The following NDUFA8 variants were observed in gnomAD, a reference collection of about 807,000 sequenced individuals.
NDUFA8 encodes the protein NADH:ubiquinone oxidoreductase subunit A8.
Under a neutral mutation model 20.9 loss-of-function variants are expected in NDUFA8, and 16 were observed. That is an observed-to-expected ratio of 0.77 (90% CI 0.52 to 1.16). The LOEUF (loss-of-function observed/expected upper bound fraction) is 1.16, where lower values mean the gene tolerates loss of function less well. Ranked by LOEUF, NDUFA8 falls within the 50% of genes most tolerant of loss-of-function variation. NDUFA8 has a pLI of 0.00. For missense variants in NDUFA8, 202 were observed against 216.4 expected (o/e 0.93, Z 0.42); for synonymous variants, 70 against 76.1 (o/e 0.92, Z 0.41).
At chr9:122,150,251 A>C (rs1411915370) in intron 2 of NDUFA8, among the ~76,000 whole-genome samples, 3 of 151,910 alleles carry the variant, frequency 2.0e-5, no homozygotes, top group Non-Finnish European at 4.4e-5. Flanking sequence ...TCTACTAAAA[A>C]TACAAAAAAT....
intron 3 of NDUFA8, among the ~76,000 whole-genome samples, chr9:122,144,675 A>G (rs1237613258): frequency 6.6e-6 from 1 of 152,194 alleles, no homozygotes; most frequent in Non-Finnish European, 1.5e-5. Flanking sequence ...AAGATTTCCA[A>G]ATCACCCTGA....
At chr9:122,136,572 T>C in the NDUFA8 span, among the ~76,000 whole-genome samples, 1 of 152,154 alleles carries the variant, frequency 6.6e-6, no homozygotes, top group Non-Finnish European at 1.5e-5. Flanking sequence ...TTTTTTTTTT[T>C]CTGAGACGGA....
rs1352487587 is a variant in NDUFA8 at position 122,144,186 on chromosome 9, G to A, written c.*55C>T. 1.1e-5 allele frequency: 18 copies of A among 1,612,110 alleles called. No homozygotes were observed. Among genetic ancestry groups the A allele is most frequent in the East Asian group, 4.5e-5 (2 of 44,882 alleles). On this transcript the variant is annotated 3_prime_UTR_variant, in exon 4 of 4. Transcript: ENST00000373768. ...ATCAGTCGATGCAAACCGCATGGGC[G>A]TTTTCATCAGTCGTTGTCTGAGCAC... is the stretch of plus-strand genomic sequence containing the variant.
chr9:122,136,135 T>C, the NDUFA8 span, among the ~76,000 whole-genome samples: 1 of 152,230 alleles, frequency 6.6e-6, no homozygotes, highest in Non-Finnish European at 1.5e-5. Context: ...TCACTACTAA[T>C]GAACAGAAGC....
chr9:122,144,297 C>T lies in NDUFA8; in HGVS notation c.463G>A (p.Glu155Lys), dbSNP rs374672994. 380 of 1,614,012 alleles carry T rather than the reference C, an allele frequency of 2.4e-4. No individual in the cohort carries two copies. The highest frequency in any genetic ancestry group is 3.2e-4 in the Non-Finnish European group (377 of 1,180,014). Residue 155 changes from glutamate (E) to lysine (K), a missense_variant, in exon 4 of 4, where the codon GAG (glutamate) becomes AAG (lysine). Glu to Lys is a moderately conservative substitution (Grantham distance 56). Transcript: ENST00000373768. The stretch of plus-strand genomic sequence containing the variant: ...TGTGTGGCAGGCTGCAGATCTCCCT[C>T]GATCTCAGGGCTGGGATCCGGTCTT... The part of the protein sequence containing the change: ...RPRPDPSPEI[E>K]GDLQPATHGS...
Position 122,159,729 on chromosome 9 carries a change from T to TCTCCTTGAA in NDUFA8, c.-61_-53dup. 6.2e-7 allele frequency: 1 copy of TCTCCTTGAA among 1,613,174 alleles called. No individual in the cohort carries two copies. Among genetic ancestry groups the TCTCCTTGAA allele is most frequent in the Non-Finnish European group, 8.5e-7 (1 of 1,179,596 alleles). On this transcript the variant is annotated 5_prime_UTR_variant, in exon 1 of 4. Transcript: ENST00000373768. ...GAAGCCCTCAGCCGCGTCGCCCCCG[T>TCTCCTTGAA]CTCCTTGAACTCCCCTTTCGACCGC...
chr9:122,159,692 C>G lies in NDUFA8; in HGVS notation c.-15G>C, dbSNP rs201260101. On this transcript the variant is annotated 5_prime_UTR_variant, in exon 1 of 4. Coordinates refer to ENST00000373768, the MANE Select transcript of NDUFA8 (RefSeq NM_014222.3). ...ATCCCCGGCATGACGGCTGCAGCCC[C>G]GACCCCGACGAGAAGCCCTCAGCCG... is the stretch of plus-strand genomic sequence containing the variant. The G allele has an allele frequency of 2.5e-6, 4 of 1,614,116 alleles. No individual in the cohort carries two copies. Among genetic ancestry groups the G allele is most frequent in the Non-Finnish European group, 2.5e-6 (3 of 1,179,994 alleles).
intron 1 of NDUFA8, 85 bp from the exon 2 acceptor site, chr9:122,152,493 G>A: frequency 1.5e-6 from 2 of 1,312,930 alleles, no homozygotes; most frequent in Non-Finnish European, 2.2e-6. Flanking sequence ...GGTCAGAATA[G>A]AGAACACAAA....
At position 122,159,761 on chromosome 9, in the gene NDUFA8, C is replaced by A; in HGVS notation, c.-84G>T. ...GAACTCCCCTTTCGACCGCCGAGTGCCACACGGCGCCTGCGCATGCGCATC... is the reference window on the plus strand; with the variant it reads ...GAACTCCCCTTTCGACCGCCGAGTGACACACGGCGCCTGCGCATGCGCATC... On this transcript the variant is annotated 5_prime_UTR_variant, in exon 1 of 4. Transcript: ENST00000373768. The A allele has an allele frequency of 6.3e-7, 1 of 1,579,522 alleles. No individual in the cohort carries two copies. Among genetic ancestry groups the A allele is most frequent in the African/African-American group, 1.3e-5 (1 of 74,444 alleles).
intron 1 of NDUFA8, among the ~76,000 whole-genome samples, chr9:122,157,358 T>C (rs577149764): frequency 6.6e-6 from 1 of 152,318 alleles, no homozygotes; most frequent in South Asian, 2.1e-4. Flanking sequence ...ATCTTACAAA[T>C]AACCATGTCT....
chr9:122,148,815 C>T (rs933419707), intron 2 of NDUFA8, among the ~76,000 whole-genome samples: 12 of 152,232 alleles, frequency 7.9e-5, no homozygotes, highest in Admixed American at 1.3e-4. Flanking sequence ...ATTTTATTTA[C>T]GCATTGAACA....
chr9:122,153,895 C>G (rs1217609847), intron 1 of NDUFA8, among the ~76,000 whole-genome samples: 1 of 152,198 alleles, frequency 6.6e-6, no homozygotes, highest in East Asian at 1.9e-4. Context: ...CAGAGAGCCT[C>G]TCTCTAATCA....
At position 122,144,453 on chromosome 9, in the gene NDUFA8, T is replaced by C. The variant is rs1828872459; in HGVS notation, c.382-75A>G. The C allele has an allele frequency of 2.9e-6, 4 of 1,363,494 alleles. No homozygotes were observed. The South Asian group carries it at 4.7e-5, about 16-fold the overall frequency. 84.5% of individuals were successfully genotyped at this position (1,363,494 alleles called of 1,614,324 possible). ...AATCTGTAACCATCAATGCGCCTCC[T>C]GGTGTCTCCTCATTGCTCCCGCTGC... On this transcript the variant is annotated intron_variant, in intron 3 of 3. Transcript: ENST00000373768.
chr9:122,139,856 G>C (rs1047662378), downstream of NDUFA8, among the ~76,000 whole-genome samples: 5 of 152,176 alleles, frequency 3.3e-5, no homozygotes, highest in African/African-American at 1.2e-4. Context: ...ACTACGCCCA[G>C]CTAATTTTTG....
chr9:122,137,238 C>CTTTTTTTTT, the NDUFA8 span, among the ~76,000 whole-genome samples: 63 of 106,580 alleles, frequency 5.9e-4, 1 homozygote, highest in Non-Finnish European at 7.2e-4. Flanking sequence ...TTTTCCTTTC[C>CTTTTTTTTT]TTTTTTTTTT....
At chr9:122,159,586 C>T in intron 1 of NDUFA8, 41 bp downstream of exon 1, 1 of 1,612,568 alleles carries the variant, frequency 6.2e-7, no homozygotes, top group Non-Finnish European at 8.5e-7. Context: ...CGAGAAGCCG[C>T]AGCCCCATGT....
chr9:122,134,067 T>C, the NDUFA8 span, among the ~76,000 whole-genome samples: 1 of 152,186 alleles, frequency 6.6e-6, no homozygotes, highest in African/African-American at 2.4e-5. Flanking sequence ...GATTCTTACC[T>C]AGCAGAGCTG....
intron 3 of NDUFA8, among the ~76,000 whole-genome samples, chr9:122,146,263 T>C (rs1490337345): frequency 1.3e-5 from 2 of 152,178 alleles, no homozygotes; most frequent in African/African-American, 4.8e-5. Context: ...TGGCACCTGA[T>C]CGAGAAATAC....
At chr9:122,141,803 C>CT (rs1193624152), downstream of NDUFA8, among the ~76,000 whole-genome samples, 2 of 152,148 alleles carry the variant, frequency 1.3e-5, no homozygotes, top group African/African-American at 2.4e-5. Flanking sequence ...TATTTAATTA[C>CT]TTAGACTCTT....
Sources: allele counts gnomAD v4.1 joint callset (sites outside exome capture counted in the v4.1 genomes callset), GRCh38; gene constraint gnomAD v4.1.1; transcripts MANE v1.5; gene names NCBI Gene and HGNC (gene_info 2026-07-23, HGNC 2026-07-21).